Variants in PDE1C observed in about 807,000 individuals in gnomAD.
PDE1C encodes phosphodiesterase 1C.
A neutral mutation model predicts 93.1 loss-of-function variants in PDE1C; 62 were observed. The observed-to-expected ratio is 0.67, with a 90% CI of 0.54 to 0.82. The LOEUF (loss-of-function observed/expected upper bound fraction) is 0.82. Ranked by LOEUF, PDE1C falls within the 40% of genes least tolerant of loss-of-function variation. The probability of loss-of-function intolerance (pLI) is 0.00; values close to 1 mark genes in which losing one functional copy is unlikely to be tolerated. For synonymous variants in PDE1C, 325 were observed against 310.1 expected (o/e 1.05, Z -0.50); for missense variants, 742 against 884.6 (o/e 0.84, Z 2.04).
chr7:32,067,847 A>G (rs1173832853), intron 1 of PDE1C, among the ~76,000 whole-genome samples: 1 of 152,202 alleles, frequency 6.6e-6, no homozygotes, highest in Non-Finnish European at 1.5e-5. Context: ...TTGGGTTTTT[A>G]TGCTTCACCA....
At chr7:31,770,462 C>A (rs1235225449) in intron 17 of PDE1C, among the ~76,000 whole-genome samples, 1 of 152,070 alleles carries the variant, frequency 6.6e-6, no homozygotes, top group Non-Finnish European at 1.5e-5. Flanking sequence ...GAAACCACTG[C>A]CAAATCCAAG....
At chr7:31,790,524 T>C (rs1784467647) in intron 16 of PDE1C, among the ~76,000 whole-genome samples, 1 of 152,170 alleles carries the variant, frequency 6.6e-6, no homozygotes, top group Non-Finnish European at 1.5e-5. Context: ...CATTTGGTCA[T>C]GCAGTAGGGA....
chr7:32,006,776 G>T (rs1786322399), intron 2 of PDE1C, among the ~76,000 whole-genome samples: 1 of 152,202 alleles, frequency 6.6e-6, no homozygotes, highest in Non-Finnish European at 1.5e-5. Flanking sequence ...AAAACAGAGA[G>T]AAATTGTGGC....
At chr7:32,183,029 G>A (rs189776933) in intron 2 of PDE1C, among the ~76,000 whole-genome samples, 56 of 152,072 alleles carry the variant, frequency 3.7e-4, no homozygotes, top group Admixed American at 2.6e-4. Flanking sequence ...GAGCCAAATC[G>A]TGAGTGAATT....
chr7:31,798,464 T>C (rs1187432125), intron 16 of PDE1C, among the ~76,000 whole-genome samples: 1 of 151,730 alleles, frequency 6.6e-6, no homozygotes, highest in Non-Finnish European at 1.5e-5. Context: ...TAAATTTCAC[T>C]AAAAAGTCCT....
chr7:31,639,538 G>T, the PDE1C span, among the ~76,000 whole-genome samples: 118,215 of 142,630 alleles, frequency 0.83, 48,952 homozygotes, highest in African/African-American at 0.93. Context: ...GTTTGTTTTT[G>T]TTTTTTTTTT....
chr7:32,103,078 G>C (rs1157888410), intron 3 of PDE1C, among the ~76,000 whole-genome samples: 1 of 152,166 alleles, frequency 6.6e-6, no homozygotes, highest in Admixed American at 6.5e-5. Flanking sequence ...TCCAGAGGTT[G>C]TCAGTTAAAT....
chr7:32,085,167 A>G (rs531163851), intron 3 of PDE1C, among the ~76,000 whole-genome samples: 2 of 152,020 alleles, frequency 1.3e-5, no homozygotes, highest in Admixed American at 6.5e-5. Flanking sequence ...ATGATAAAGG[A>G]GATATCACCA....
chr7:31,965,071 G>A (rs1164573432), intron 2 of PDE1C, among the ~76,000 whole-genome samples: 3 of 152,314 alleles, frequency 2.0e-5, no homozygotes, highest in African/African-American at 4.8e-5. Flanking sequence ...CCAAAGGAAC[G>A]CAGCTCCTCA....
intron 16 of PDE1C, among the ~76,000 whole-genome samples, chr7:31,776,342 T>G (rs1782959516): frequency 1.3e-5 from 2 of 152,208 alleles, no homozygotes; most frequent in South Asian, 4.1e-4. Context: ...GTGTGTCCAG[T>G]GCTCAGGAAC....
chr7:32,035,149 G>A (rs1369848335), intron 2 of PDE1C, among the ~76,000 whole-genome samples: 1 of 151,958 alleles, frequency 6.6e-6, no homozygotes, highest in African/African-American at 2.4e-5. Flanking sequence ...AATGGCTAAT[G>A]TCAGCATGAC....
intron 1 of PDE1C, among the ~76,000 whole-genome samples, chr7:32,234,469 T>C (rs1248353789): frequency 2.6e-5 from 4 of 151,782 alleles, no homozygotes; most frequent in Non-Finnish European, 4.4e-5. Context: ...GAAAAGATAA[T>C]AAAAGACCAC....
chr7:31,795,361 A>G (rs1032274137), intron 16 of PDE1C, among the ~76,000 whole-genome samples: 1 of 151,854 alleles, frequency 6.6e-6, no homozygotes. Flanking sequence ...TTTTTCCAGG[A>G]GAAAATATTT....
chr7:31,816,941 C>T (rs1246482965), intron 14 of PDE1C, among the ~76,000 whole-genome samples: 1 of 152,102 alleles, frequency 6.6e-6, no homozygotes, highest in African/African-American at 2.4e-5. Context: ...AAAACCACCG[C>T]AGAAATGCGT....
intron 1 of PDE1C, among the ~76,000 whole-genome samples, chr7:32,420,124 T>TATATATATATACAC (rs1207972839): frequency 0.043 from 565 of 13,084 alleles, 93 homozygotes; most frequent in Non-Finnish European, 0.07. Context: ...TATATATATA[T>TATATATATATACAC]ACACACACAC....
chr7:31,825,831 A>C (rs933297383), intron 12 of PDE1C, among the ~76,000 whole-genome samples: 1 of 152,130 alleles, frequency 6.6e-6, no homozygotes, highest in African/African-American at 2.4e-5. Flanking sequence ...CAGGGAAAAC[A>C]GGAAATAGAA....
intron 3 of PDE1C, among the ~76,000 whole-genome samples, chr7:32,125,102 C>A (rs1172639225): frequency 6.6e-6 from 1 of 151,994 alleles, no homozygotes; most frequent in Non-Finnish European, 1.5e-5. Flanking sequence ...ACATGGCCAA[C>A]AAATATATGA....
chr7:31,908,174 C>T (rs767610173), intron 2 of PDE1C, among the ~76,000 whole-genome samples: 1 of 62,696 alleles, frequency 1.6e-5, no homozygotes, highest in Non-Finnish European at 3.7e-5. Context: ...CTGAAAGTGG[C>T]ATTCAGTCAT....
At chr7:32,027,627 A>T (rs1398986535) in intron 2 of PDE1C, among the ~76,000 whole-genome samples, 3 of 35,482 alleles carry the variant, frequency 8.5e-5, no homozygotes, top group Admixed American at 2.8e-4. Flanking sequence ...AAAAAAAAAA[A>T]AAAAAAAAAA....
Sources: gnomAD v4.1 joint callset for allele counts (sites outside exome capture counted in the v4.1 genomes callset) on GRCh38, gnomAD v4.1.1 for gene constraint, MANE v1.5 for transcripts, NCBI Gene and HGNC (gene_info 2026-07-23, HGNC 2026-07-21) for gene names.